Variants in FIG4 observed in about 807,000 individuals in gnomAD.
FIG4 encodes FIG4 phosphoinositide 5-phosphatase.
Under a neutral mutation model 118.6 loss-of-function variants are expected in FIG4, and 112 were observed. The ratio of observed to expected loss-of-function variants is 0.94; its 90% CI spans 0.81 to 1.11. The LOEUF is 1.11. Ranked by LOEUF, FIG4 falls within the 50% of genes least tolerant of loss-of-function variation. The pLI is 0.00. For missense variants in FIG4, 969 were observed against 1,111.7 expected, an observed-to-expected ratio of 0.87 and a Z score of 1.83; for synonymous variants, 369 against 381.2, an observed-to-expected ratio of 0.97 and a Z score of 0.37.
rs531109173 is a variant in FIG4 at position 109,778,878 on chromosome 6, C to T, written c.1889+1818C>T. ...CCTCCCAAAGTGCTGGGATTACAGG[C>T]GTGAGCCACCGCGCCCGGCTTCTTG... On this transcript the variant is annotated intron_variant, in intron 16 of 22. Transcript: ENST00000230124. 9.2e-5 allele frequency among the ~76,000 whole-genome samples: 14 copies of T among 152,258 alleles called. No homozygotes were observed. The South Asian group carries it at 2.7e-3, about 29-fold the overall frequency.
At chr6:109,794,181 G>C (rs1484010654) in intron 21 of FIG4, among the ~76,000 whole-genome samples, 2 of 152,210 alleles carry the variant, frequency 1.3e-5, no homozygotes, top group African/African-American at 2.4e-5. Context: ...TTGTATAACA[G>C]TTTACACTGT....
intron 1 of FIG4, among the ~76,000 whole-genome samples, chr6:109,696,562 A>G (rs1271732722): frequency 2.0e-5 from 3 of 152,240 alleles, no homozygotes; most frequent in Non-Finnish European, 4.4e-5. Context: ...TTCAGCCAGG[A>G]AAAAGAATGA....
intron 12 of FIG4, among the ~76,000 whole-genome samples, chr6:109,763,147 A>G (rs1208365404): frequency 5.3e-5 from 8 of 152,202 alleles, no homozygotes; most frequent in Admixed American, 5.2e-4. Context: ...CATATACCAA[A>G]ATTCTTGACT....
chr6:109,711,177 A>T (rs1394653704), intron 1 of FIG4, among the ~76,000 whole-genome samples: 5 of 152,106 alleles, frequency 3.3e-5, no homozygotes, highest in African/African-American at 1.2e-4. Context: ...AGATGGGTGG[A>T]TCACAAGGTC....
Position 109,716,569 on chromosome 6 carries a change from G to A in FIG4, c.289+1G>A. 1 of 1,613,644 alleles carries A rather than the reference G, an allele frequency of 6.2e-7. No homozygotes were observed. Among genetic ancestry groups the A allele is most frequent in the South Asian group, 1.1e-5 (1 of 91,064 alleles). On this transcript the variant is annotated splice_donor_variant, in intron 3 of 22. Coordinates refer to ENST00000230124, the MANE Select transcript of FIG4 (RefSeq NM_014845.6). LOFTEE classifies it high-confidence loss of function. The stretch of plus-strand genomic sequence containing the variant: ...GCGGTTTCAGCTTTTGGTGTTGTGG[G>A]TAAGAAATCTGCCCCCCTTCTTACA...
At chr6:109,770,708 C>T (rs1401068372) in intron 15 of FIG4, among the ~76,000 whole-genome samples, 3 of 152,018 alleles carry the variant, frequency 2.0e-5, no homozygotes, top group Admixed American at 6.6e-5. Context: ...GAAGGAGGTG[C>T]CACACACTTT....
At chr6:109,825,032 G>A in intron 22 of FIG4, 56 bp from the exon 23 acceptor site, 1 of 1,531,534 alleles carries the variant, frequency 6.5e-7, no homozygotes, top group East Asian at 2.3e-5. Flanking sequence ...ACTGCTCCCT[G>A]TGGTCCTTCC....
intron 1 of FIG4, among the ~76,000 whole-genome samples, chr6:109,712,839 G>A (rs1032291982): frequency 6.6e-6 from 1 of 152,176 alleles, no homozygotes; most frequent in Non-Finnish European, 1.5e-5. Context: ...TTCTTGCACT[G>A]GTTCTTTCTC....
At chr6:109,762,334 A>G in intron 12 of FIG4, 127 bp downstream of exon 12, 2 of 690,818 alleles carry the variant, frequency 2.9e-6, no homozygotes, top group South Asian at 3.0e-5. Context: ...CACTGCTCAC[A>G]TGACTGAGTG....
intron 14 of FIG4, among the ~76,000 whole-genome samples, 183 bp from the exon 15 acceptor site, chr6:109,766,546 T>A (rs1777284949): frequency 6.6e-6 from 1 of 152,222 alleles, no homozygotes; most frequent in South Asian, 2.1e-4. Flanking sequence ...ATGGCTTTGG[T>A]GTTTACTGGA....
At chr6:109,738,535 A>G in intron 7 of FIG4, 82 bp downstream of exon 7, 1 of 1,289,786 alleles carries the variant, frequency 7.8e-7, no homozygotes, top group Non-Finnish European at 1.1e-6. Flanking sequence ...TATGAATTAT[A>G]TGATTATAAT....
chr6:109,724,776 T>C (rs1305267589), intron 3 of FIG4, among the ~76,000 whole-genome samples: 2 of 151,930 alleles, frequency 1.3e-5, no homozygotes, highest in Non-Finnish European at 2.9e-5. Flanking sequence ...TCCTTTACTG[T>C]AATTTCCTCT....
chr6:109,691,565 C>A (rs575191138), intron 1 of FIG4, 64 bp downstream of exon 1: 1 of 1,378,232 alleles, frequency 7.3e-7, no homozygotes, highest in Non-Finnish European at 1.0e-6. Context: ...GGTGTGGGGC[C>A]GTAGGACAGA....
chr6:109,772,473 T>G (rs184485726), intron 15 of FIG4, among the ~76,000 whole-genome samples: 6 of 152,304 alleles, frequency 3.9e-5, no homozygotes, highest in Admixed American at 2.6e-4. Context: ...TTTTGTTTTT[T>G]GAGATGGAGT....
At chr6:109,737,094 T>G (rs1407151144) in intron 6 of FIG4, among the ~76,000 whole-genome samples, 1 of 152,166 alleles carries the variant, frequency 6.6e-6, no homozygotes, top group East Asian at 1.9e-4. Flanking sequence ...CATCTGCAGC[T>G]TTAATTTCTT....
rs1774363080 is a variant in FIG4 at position 109,691,297 on chromosome 6, A to G, written c.-139A>G. On this transcript the variant is annotated 5_prime_UTR_variant, in exon 1 of 23. Transcript: ENST00000230124. ...GGGCGCAGGGATCCGGAAACACCTG[A>G]TCATCTATAGGTTTAGTGCCTAATG... The G allele has an allele frequency of 8.3e-6, 6 of 725,612 alleles. No individual in the cohort carries two copies. In the Admixed American group the frequency reaches 1.0e-4, roughly 13 times the overall value. 44.9% of individuals were successfully genotyped at this position (725,612 alleles called of 1,614,324 possible). A position where few individuals can be genotyped will look rare whatever the true frequency, so the allele number is the denominator to read the frequency against.
Position 109,743,766 on chromosome 6 carries a change from A to G in FIG4, c.1131A>G (p.Leu377=). 1.2e-6 allele frequency: 2 copies of G among 1,609,460 alleles called. No individual in the cohort carries two copies. The highest frequency in any genetic ancestry group is 1.7e-6 in the Non-Finnish European group (2 of 1,176,246). Residue 377 remains leucine, a synonymous_variant, in exon 10 of 23, where the codon TTA becomes TTG. Transcript: ENST00000230124. ...RFGSPIIILN[L]VKEREKRKHE... ...GCTCTCCCATCATCATCTTGAATTT[A>G]GTGAAGGTATGATGTGCTCATCTGT...
chr6:109,702,178 C>T (rs1038998607), intron 1 of FIG4, among the ~76,000 whole-genome samples: 1 of 152,172 alleles, frequency 6.6e-6, no homozygotes, highest in African/African-American at 2.4e-5. Context: ...AAATTTCTTT[C>T]AAGAAGGCTG....
intron 15 of FIG4, among the ~76,000 whole-genome samples, chr6:109,772,901 T>G (rs548292279): frequency 2.0e-5 from 3 of 152,364 alleles, no homozygotes; most frequent in African/African-American, 7.2e-5. Flanking sequence ...CTCACAAGAC[T>G]AGAGTAAAAA....
Sources: gnomAD v4.1 joint callset for allele counts (sites outside exome capture counted in the v4.1 genomes callset) on GRCh38, gnomAD v4.1.1 for gene constraint, MANE v1.5 for transcripts, NCBI Gene and HGNC (gene_info 2026-07-23, HGNC 2026-07-21) for gene names.